TRPM3: variants seen among roughly 807,000 people sequenced by gnomAD.
TRPM3 encodes the protein long transient receptor potential channel 3.
A neutral mutation model predicts 181.2 loss-of-function variants in TRPM3; 77 were observed. The observed-to-expected ratio is 0.42, with a 90% CI of 0.35 to 0.51. TRPM3 has a LOEUF of 0.51. TRPM3 is among the 20% of genes least tolerant of loss of function. The pLI, the probability that TRPM3 is intolerant of heterozygous loss-of-function variation, is 0.01. For missense variants in TRPM3, 1,759 were observed against 2,196.7 expected, an observed-to-expected ratio of 0.80 and a Z score of 3.98; for synonymous variants, 745 against 796.4, an observed-to-expected ratio of 0.94 and a Z score of 1.09.
chr9:70,801,827 T>C (rs1347154466), intron 6 of TRPM3, among the ~76,000 whole-genome samples: 1 of 152,160 alleles, frequency 6.6e-6, no homozygotes, highest in African/African-American at 2.4e-5. Context: ...AATAAGAAAG[T>C]GGCACTTTAA....
At chr9:70,760,229 T>A (rs1223632017) in intron 8 of TRPM3, among the ~76,000 whole-genome samples, 1 of 151,620 alleles carries the variant, frequency 6.6e-6, no homozygotes, top group Admixed American at 6.6e-5. Flanking sequence ...TTCTAGCAAA[T>A]TTGCAGGACT....
rs1418102797 is a variant in TRPM3, at chr9:71,331,697, AAAAAGGAGGAGAAAAAGGAGGAGG to A, written c.183+114932_183+114955del. Among the ~76,000 whole-genome samples, 433 of 101,550 alleles carry A rather than the reference AAAAAGGAGGAGAAAAAGGAGGAGG, an allele frequency of 4.3e-3. 5 individuals are homozygous for A. Among genetic ancestry groups the A allele is most frequent in the African/African-American group, 0.015 (404 of 26,318 alleles). 66.6% of individuals were successfully genotyped at this position (101,550 alleles called of 152,430 possible). On this transcript the variant is annotated intron_variant, in intron 1 of 24. Transcript: ENST00000357533. ...GGAGGAGGAGGGAGAGGAGAAGGAG[AAAAAGGAGGAGAAAAAGGAGGAGG>A]AAAAGGAGGAGAAAAAGGAGGAGGA...
chr9:71,322,297 T>C (rs1333121862), intron 1 of TRPM3, among the ~76,000 whole-genome samples: 2 of 152,114 alleles, frequency 1.3e-5, no homozygotes, highest in African/African-American at 4.8e-5. Context: ...CCTGTGAATT[T>C]TGCACAGATA....
chr9:70,916,987 G>A (rs2096602427), intron 1 of TRPM3: 3 of 1,517,442 alleles, frequency 2.0e-6, no homozygotes, highest in Admixed American at 1.7e-5. Context: ...ATAATTGCCT[G>A]GAGGAGTTAG....
intron 1 of TRPM3, among the ~76,000 whole-genome samples, chr9:70,980,850 C>G (rs923145806): frequency 6.6e-6 from 1 of 152,158 alleles, no homozygotes; most frequent in African/African-American, 2.4e-5. Flanking sequence ...TTGTTTTGCC[C>G]TATAGACAGG....
chr9:71,304,559 T>C (rs916401150), intron 1 of TRPM3, among the ~76,000 whole-genome samples: 10 of 152,194 alleles, frequency 6.6e-5, no homozygotes, highest in Non-Finnish European at 1.2e-4. Context: ...TAAGTCAAGT[T>C]CCGTTTTAAA....
At chr9:70,838,364 TG>T (rs2094446158) in intron 5 of TRPM3, among the ~76,000 whole-genome samples, 1 of 152,166 alleles carries the variant, frequency 6.6e-6, no homozygotes, top group Non-Finnish European at 1.5e-5. Context: ...GCCCTATGAA[TG>T]GGATTAGGGC....
intron 1 of TRPM3, among the ~76,000 whole-genome samples, chr9:71,011,091 A>G (rs2097733870): frequency 6.6e-6 from 1 of 152,156 alleles, no homozygotes; most frequent in South Asian, 2.1e-4. Flanking sequence ...TCTCACTCAT[A>G]TGTGGAATCT....
chr9:71,360,773 G>A (rs1423791757), intron 1 of TRPM3, among the ~76,000 whole-genome samples: 1 of 152,056 alleles, frequency 6.6e-6, no homozygotes. Flanking sequence ...TTAATGCCCA[G>A]AGCACAGCAC....
At chr9:71,222,085 G>A (rs1301984213) in intron 1 of TRPM3, among the ~76,000 whole-genome samples, 1 of 152,198 alleles carries the variant, frequency 6.6e-6, no homozygotes, top group Non-Finnish European at 1.5e-5. Context: ...CACAGGTTTT[G>A]CCTTTAGGAT....
intron 1 of TRPM3, among the ~76,000 whole-genome samples, chr9:70,987,760 C>A (rs2097435901): frequency 1.3e-5 from 2 of 152,014 alleles, no homozygotes; most frequent in Non-Finnish European, 2.9e-5. Context: ...ATGATTAATT[C>A]TCTGTTGGAT....
intron 1 of TRPM3, among the ~76,000 whole-genome samples, chr9:71,130,399 T>C (rs2074298169): frequency 6.6e-6 from 1 of 152,214 alleles, no homozygotes. Context: ...AAGATGCACG[T>C]GGCCAGAAAC....
intron 1 of TRPM3, among the ~76,000 whole-genome samples, chr9:71,241,552 C>T (rs894661725): frequency 2.0e-5 from 3 of 151,552 alleles, no homozygotes; most frequent in Non-Finnish European, 4.4e-5. Flanking sequence ...TGTTAAATGA[C>T]GAGTTGATGG....
Position 71,015,671 on chromosome 9 carries a change from T to C in TRPM3, c.177+105507A>G, listed in dbSNP as rs544331155. On this transcript the variant is annotated intron_variant, in intron 1 of 25. Coordinates refer to ENST00000677713, the MANE Select transcript of TRPM3 (RefSeq NM_001366145.2). ...TTTGAATTTTATTAATTGGGTTCTC[T>C]CACATTCATTCTGTGTTCTGAATTG... 2.0e-5 allele frequency among the ~76,000 whole-genome samples: 3 copies of C among 152,348 alleles called. No individual in the cohort carries two copies. The South Asian group carries it at 6.2e-4, about 32-fold the overall frequency.
chr9:71,065,458 T>C (rs772980847), intron 1 of TRPM3, among the ~76,000 whole-genome samples: 3 of 152,120 alleles, frequency 2.0e-5, no homozygotes, highest in East Asian at 1.9e-4. Context: ...TAAGGGACCA[T>C]CTGTGCTGCT....
intron 1 of TRPM3, among the ~76,000 whole-genome samples, chr9:71,292,612 A>G (rs1383826860): frequency 2.0e-5 from 3 of 151,984 alleles, no homozygotes; most frequent in African/African-American, 7.2e-5. Context: ...ATAGAAAATT[A>G]GAATAATCCT....
At chr9:70,823,693 C>T (rs1303323738) in intron 6 of TRPM3, among the ~76,000 whole-genome samples, 1 of 151,946 alleles carries the variant, frequency 6.6e-6, no homozygotes, top group African/African-American at 2.4e-5. Context: ...ATGGTTGCCC[C>T]CCTTGATGTA....
intron 8 of TRPM3, among the ~76,000 whole-genome samples, chr9:70,752,037 TGTGTGTGTGTGTGCGC>T (rs1402821655): frequency 4.3e-5 from 5 of 116,372 alleles, no homozygotes; most frequent in African/African-American, 9.5e-5. Context: ...TGTGTGTGTG[TGTGTGTGTGTGTGCGC>T]GCGCGCGCGC....
At chr9:71,168,720 G>A (rs1316054240) in intron 1 of TRPM3, among the ~76,000 whole-genome samples, 1 of 146,854 alleles carries the variant, frequency 6.8e-6, no homozygotes, top group Non-Finnish European at 1.5e-5. Flanking sequence ...TACTTCCTAG[G>A]GGTGTTGCCA....
Sources: allele counts gnomAD v4.1 joint callset (sites outside exome capture counted in the v4.1 genomes callset), GRCh38; gene constraint gnomAD v4.1.1; transcripts MANE v1.5; gene names NCBI Gene and HGNC (gene_info 2026-07-23, HGNC 2026-07-21).